FOXP1: variants seen among roughly 807,000 people sequenced by gnomAD.
The protein encoded by FOXP1 is forkhead box protein P1.
In FOXP1, 15 loss-of-function variants were observed where a neutral mutation model predicts 98.2. The observed-to-expected ratio is 0.15, with a 90% CI of 0.10 to 0.24. FOXP1 has a LOEUF of 0.24. FOXP1 is among the 10% of genes least tolerant of loss of function. The pLI, the probability that FOXP1 is intolerant of heterozygous loss-of-function variation, is 1.00. For missense variants in FOXP1, 633 were observed against 848.5 expected, an observed-to-expected ratio of 0.75 and a Z score of 3.15; for synonymous variants, 371 against 314.5, an observed-to-expected ratio of 1.18 and a Z score of -1.90.
At chr3:71,107,468 T>A (rs1046216670) in intron 7 of FOXP1, among the ~76,000 whole-genome samples, 5 of 152,198 alleles carry the variant, frequency 3.3e-5, no homozygotes, top group Non-Finnish European at 7.4e-5. Flanking sequence ...TTATTTCTTA[T>A]CGAGACTTAT....
chr3:71,373,321 T>C lies in FOXP1; in HGVS notation c.-167-14077A>G, dbSNP rs368285975. Among the ~76,000 whole-genome samples, 271 of 72,538 alleles carry C rather than the reference T, an allele frequency of 3.7e-3. 2 individuals are homozygous for C. Among genetic ancestry groups the C allele is most frequent in the African/African-American group, 0.012 (252 of 20,934 alleles). The allele number at this position is 72,538 out of a possible 152,430, so 47.6% of individuals were successfully genotyped here. ...CCTATATGCTCCAAAATGTTCGCCT[T>C]TACAAAAAAAAAACATGTTAAAGTA... On this transcript the variant is annotated intron_variant, in intron 3 of 20. Coordinates refer to ENST00000649528, the MANE Select transcript of FOXP1 (RefSeq NM_001349338.3).
chr3:71,261,759 G>A (rs936893257), intron 5 of FOXP1, among the ~76,000 whole-genome samples: 2 of 152,092 alleles, frequency 1.3e-5, no homozygotes, highest in Admixed American at 1.3e-4. Context: ...CGAGGGGACG[G>A]AGGCAGAAAG....
At chr3:71,565,642 C>T (rs558517367) in intron 2 of FOXP1, among the ~76,000 whole-genome samples, 2 of 152,228 alleles carry the variant, frequency 1.3e-5, no homozygotes, top group South Asian at 2.1e-4. Flanking sequence ...AACTAAAAGC[C>T]GTATTTGTTG....
chr3:71,046,220 G>C (rs2049017226), intron 10 of FOXP1, among the ~76,000 whole-genome samples: 1 of 152,124 alleles, frequency 6.6e-6, no homozygotes, highest in Admixed American at 6.5e-5. Flanking sequence ...AAAACACCTA[G>C]AGTTCCCATT....
intron 5 of FOXP1, among the ~76,000 whole-genome samples, chr3:71,205,517 AC>A (rs1231630948): frequency 6.6e-6 from 1 of 152,206 alleles, no homozygotes; most frequent in Non-Finnish European, 1.5e-5. Flanking sequence ...TTAAAAAAAA[AC>A]AAAACCAAAA....
intron 4 of FOXP1, among the ~76,000 whole-genome samples, chr3:71,326,663 T>C (rs75218104): frequency 0.01 from 1,543 of 152,330 alleles, 25 homozygotes; most frequent in African/African-American, 0.035. Flanking sequence ...GTCTAAATGA[T>C]CTACTTGAGA....
chr3:71,390,070 A>G (rs2080916690), intron 3 of FOXP1, among the ~76,000 whole-genome samples: 1 of 152,190 alleles, frequency 6.6e-6, no homozygotes, highest in Non-Finnish European at 1.5e-5. Context: ...TGGCGAAGGC[A>G]TCGAAGGGCT....
chr3:71,247,890 C>T (rs2067877459), intron 5 of FOXP1, among the ~76,000 whole-genome samples: 1 of 152,204 alleles, frequency 6.6e-6, no homozygotes, highest in Non-Finnish European at 1.5e-5. Flanking sequence ...CAACTACTAG[C>T]ATTCCATAGG....
intron 2 of FOXP1, among the ~76,000 whole-genome samples, chr3:71,519,280 T>G (rs1000051094): frequency 6.6e-6 from 1 of 152,134 alleles, no homozygotes; most frequent in Non-Finnish European, 1.5e-5. Flanking sequence ...TAAAATAATG[T>G]GTGAGCAGGC....
At chr3:71,027,863 T>TA (rs1559757097) in intron 11 of FOXP1, among the ~76,000 whole-genome samples, 1 of 152,274 alleles carries the variant, frequency 6.6e-6, no homozygotes, top group Non-Finnish European at 1.5e-5. Context: ...TACTGATGGG[T>TA]AAAAAATCAA....
chr3:71,541,303 G>A (rs1301592525), intron 2 of FOXP1, among the ~76,000 whole-genome samples: 4 of 152,178 alleles, frequency 2.6e-5, no homozygotes, highest in Non-Finnish European at 5.9e-5. Context: ...CCCTAGAAGA[G>A]AAAAGCATTT....
At chr3:71,531,468 T>C (rs761021089) in intron 2 of FOXP1, among the ~76,000 whole-genome samples, 1 of 152,072 alleles carries the variant, frequency 6.6e-6, no homozygotes, top group African/African-American at 2.4e-5. Context: ...TCCACCCTGG[T>C]TTAAATAGAG....
chr3:71,408,678 C>A (rs1478990884), intron 3 of FOXP1, among the ~76,000 whole-genome samples: 1 of 152,130 alleles, frequency 6.6e-6, no homozygotes, highest in Non-Finnish European at 1.5e-5. Flanking sequence ...TGATGGAAGA[C>A]TTTCTCTTTT....
chr3:71,054,765 AG>A (rs1353535771), intron 7 of FOXP1, among the ~76,000 whole-genome samples: 1 of 152,258 alleles, frequency 6.6e-6, no homozygotes, highest in Non-Finnish European at 1.5e-5. Flanking sequence ...AGATAAGGAA[AG>A]AAAAAACAAT....
intron 5 of FOXP1, among the ~76,000 whole-genome samples, chr3:71,264,568 G>A (rs2069459915): frequency 6.6e-6 from 1 of 152,160 alleles, no homozygotes; most frequent in African/African-American, 2.4e-5. Context: ...GATCTGATTA[G>A]ATTTCCTAAT....
At chr3:71,193,726 G>A (rs1404625286) in intron 6 of FOXP1, among the ~76,000 whole-genome samples, 1 of 152,188 alleles carries the variant, frequency 6.6e-6, no homozygotes. Context: ...TGGGATTACA[G>A]GCATGAGCCA....
At chr3:71,467,575 G>C (rs567253433) in intron 3 of FOXP1, among the ~76,000 whole-genome samples, 11 of 152,310 alleles carry the variant, frequency 7.2e-5, no homozygotes, top group African/African-American at 2.6e-4. Flanking sequence ...ATTAAAGGAA[G>C]AAAACGTCTT....
intron 5 of FOXP1, among the ~76,000 whole-genome samples, chr3:71,213,476 C>A (rs1460538276): frequency 1.3e-5 from 2 of 152,106 alleles, no homozygotes; most frequent in African/African-American, 4.8e-5. Flanking sequence ...TAAAGTAAAT[C>A]TTTTTTAAGG....
In FOXP1 at chr3:70,958,257, A is replaced by T. The variant is rs1575645237; in HGVS notation, c.*990T>A. 2.0e-6 allele frequency: 1 copy of T among 510,822 alleles called. No individual in the cohort carries two copies. Among genetic ancestry groups the T allele is most frequent in the African/African-American group, 2.0e-5 (1 of 51,128 alleles). 31.6% of individuals were successfully genotyped at this position (510,822 alleles called of 1,614,324 possible). A position where few individuals can be genotyped will look rare whatever the true frequency, so the allele number is the denominator to read the frequency against. ...ATCCGAAACACCCCTCCCCCGAACCACCCCCAATACTGCTGCGTGGAATGA... is the reference window on the plus strand; with the variant it reads ...ATCCGAAACACCCCTCCCCCGAACCTCCCCCAATACTGCTGCGTGGAATGA... On this transcript the variant is annotated 3_prime_UTR_variant, in exon 21 of 21. Transcript: ENST00000649528.
Sources: gnomAD v4.1 joint callset for allele counts (sites outside exome capture counted in the v4.1 genomes callset) on GRCh38, gnomAD v4.1.1 for gene constraint, MANE v1.5 for transcripts, NCBI Gene and HGNC (gene_info 2026-07-23, HGNC 2026-07-21) for gene names.